CAMK1G: variants seen among roughly 807,000 people sequenced by gnomAD.
CAMK1G encodes the protein calcium/calmodulin dependent protein kinase IG, also known as calcium/calmodulin-dependent protein kinase type 1G.
CAMK1G carries 27 observed loss-of-function variants against 54.8 expected under a neutral mutation model. The ratio of observed to expected loss-of-function variants is 0.49; its 90% CI spans 0.36 to 0.68. CAMK1G has a LOEUF of 0.68. Among genes scored for constraint, CAMK1G ranks in the 30% least tolerant of loss-of-function variants. The pLI is 0.00. For synonymous variants in CAMK1G, 238 were observed against 224.9 expected (o/e 1.06, Z -0.52); for missense variants, 512 against 591.0 (o/e 0.87, Z 1.39).
intron 2 of CAMK1G, among the ~76,000 whole-genome samples, chr1:209,596,025 G>C (rs1340272767): frequency 6.6e-6 from 1 of 152,238 alleles, no homozygotes; most frequent in Non-Finnish European, 1.5e-5. Flanking sequence ...GCAGTGAAGA[G>C]CAGCCAGCGG....
intron 1 of CAMK1G, among the ~76,000 whole-genome samples, chr1:209,584,927 T>A (rs1196568435): frequency 6.6e-6 from 1 of 152,186 alleles, no homozygotes; most frequent in Non-Finnish European, 1.5e-5. Flanking sequence ...CAGTTTATAA[T>A]GTGTTTATAA....
intron 1 of CAMK1G, among the ~76,000 whole-genome samples, chr1:209,585,459 G>A (rs1412879935): frequency 6.6e-6 from 1 of 152,220 alleles, no homozygotes. Flanking sequence ...GTGACGAGAA[G>A]ACTAGCGTTG....
At chr1:209,608,042 C>T in intron 7 of CAMK1G, 109 bp downstream of exon 7, 1 of 758,054 alleles carries the variant, frequency 1.3e-6, no homozygotes, top group South Asian at 1.7e-5. Context: ...TGCATGTGCA[C>T]AAACAGACAC....
chr1:209,604,822 T>A (rs770290801), intron 4 of CAMK1G, among the ~76,000 whole-genome samples: 17 of 151,938 alleles, frequency 1.1e-4, no homozygotes, highest in Non-Finnish European at 2.1e-4. Context: ...TGACAGGGCA[T>A]CAGGTTTCAA....
At chr1:209,611,409 C>T in intron 9 of CAMK1G, 56 bp from the exon 10 acceptor site, 1 of 1,537,934 alleles carries the variant, frequency 6.5e-7, no homozygotes, top group Non-Finnish European at 9.0e-7. Flanking sequence ...CTGCCCACTC[C>T]CTGGATGAGT....
intron 9 of CAMK1G, among the ~76,000 whole-genome samples, chr1:209,610,192 G>A (rs1202544935): frequency 6.6e-6 from 1 of 152,152 alleles, no homozygotes; most frequent in Non-Finnish European, 1.5e-5. Context: ...ATTCAGCACT[G>A]GGATAGGGTG....
Position 209,605,625 on chromosome 1 carries a change from C to T in CAMK1G, c.386C>T (p.Ser129Leu), listed in dbSNP as rs141169338. The change falls in exon 5 of 13, where the codon TCG becomes TTG. Residue 129 changes from serine (S) to leucine (L), a missense_variant. By Grantham distance (145) the Ser-to-Leu change is moderately radical. Coordinates refer to ENST00000361322, the MANE Select transcript of CAMK1G (RefSeq NM_020439.3). ...AGTCTGGTGATCCAGCAGGTCTTGTCGGCAGTGAAATACCTACATGAGAAT... is the reference window on the plus strand; with the variant it reads ...AGTCTGGTGATCCAGCAGGTCTTGTTGGCAGTGAAATACCTACATGAGAAT... ...DASLVIQQVL[S>L]AVKYLHENGI... 8.3e-5 allele frequency: 134 copies of T among 1,613,880 alleles called. No homozygotes were observed. Among genetic ancestry groups the T allele is most frequent in the Middle Eastern group, 1.6e-4 (1 of 6,084 alleles).
Position 209,605,530 on chromosome 1 carries a change from C to T in CAMK1G, c.297-6C>T. The T allele has an allele frequency of 6.2e-7, 1 of 1,613,478 alleles. No individual in the cohort carries two copies. The highest frequency in any genetic ancestry group is 8.5e-7 in the Non-Finnish European group (1 of 1,179,590). ...CTGAATTCCTGTCTTGATCCTATGCCCACAGTGTTTCTGGTGGGGAGCTCT... is the reference window on the plus strand; with the variant it reads ...CTGAATTCCTGTCTTGATCCTATGCTCACAGTGTTTCTGGTGGGGAGCTCT... On this transcript the variant is annotated splice_region_variant and splice_polypyrimidine_tract_variant and intron_variant, in intron 4 of 12. Transcript: ENST00000361322.
At chr1:209,601,748 T>C (rs1484471496) in intron 3 of CAMK1G, among the ~76,000 whole-genome samples, 1 of 152,244 alleles carries the variant, frequency 6.6e-6, no homozygotes, top group African/African-American at 2.4e-5. Flanking sequence ...TTTTCTAAAA[T>C]ATCGTAAAGA....
intron 1 of CAMK1G, among the ~76,000 whole-genome samples, chr1:209,587,365 A>T (rs778039934): frequency 9.9e-5 from 15 of 152,170 alleles, no homozygotes; most frequent in Non-Finnish European, 1.6e-4. Flanking sequence ...TTTCCAAAGG[A>T]TGCTCTGAGA....
At chr1:209,588,233 T>A (rs530294437) in intron 1 of CAMK1G, among the ~76,000 whole-genome samples, 1 of 152,302 alleles carries the variant, frequency 6.6e-6, no homozygotes, top group African/African-American at 2.4e-5. Context: ...TCAAAGATGC[T>A]CTCCTTCCCT....
chr1:209,596,594 A>T (rs1483059506), intron 2 of CAMK1G, among the ~76,000 whole-genome samples: 1 of 152,096 alleles, frequency 6.6e-6, no homozygotes, highest in African/African-American at 2.4e-5. Flanking sequence ...ACGTCAGTAT[A>T]CCCACCATCT....
Position 209,605,653 on chromosome 1 carries a change from C to T in CAMK1G, c.414C>T (p.Gly138=). Residue 138 remains glycine, a synonymous_variant, in exon 5 of 13, where the codon GGC becomes GGT. Transcript: ENST00000361322. ...CAGTGAAATACCTACATGAGAATGG[C>T]ATCGTCCACAGAGACTTAAAGGTGT... ...LSAVKYLHEN[G]IVHRDLKPEN... 2 of 1,613,842 alleles carry T rather than the reference C, an allele frequency of 1.2e-6. No homozygotes were observed. The highest frequency in any genetic ancestry group is 1.7e-6 in the Non-Finnish European group (2 of 1,179,944).
chr1:209,584,904 G>A (rs1397196171), intron 1 of CAMK1G, among the ~76,000 whole-genome samples: 1 of 152,124 alleles, frequency 6.6e-6, no homozygotes, highest in Admixed American at 6.5e-5. Flanking sequence ...CCTGATATGG[G>A]GACCACACTT....
At chr1:209,600,569 C>T (rs928301761) in intron 3 of CAMK1G, among the ~76,000 whole-genome samples, 1 of 152,174 alleles carries the variant, frequency 6.6e-6, no homozygotes, top group African/African-American at 2.4e-5. Context: ...TTGTGAAACC[C>T]TTATGGTGTA....
intron 2 of CAMK1G, among the ~76,000 whole-genome samples, chr1:209,598,397 C>A (rs1313601479): frequency 6.6e-6 from 1 of 152,174 alleles, no homozygotes; most frequent in Non-Finnish European, 1.5e-5. Flanking sequence ...GCACTCTGTC[C>A]CATCTGCTAC....
At chr1:209,595,213 G>C in intron 2 of CAMK1G, 138 bp downstream of exon 2, 1 of 643,352 alleles carries the variant, frequency 1.6e-6, no homozygotes, top group Non-Finnish European at 2.7e-6. Context: ...AAGGGACTTA[G>C]GGAGAGTTTT....
At chr1:209,606,643 T>C (rs537759117) in intron 6 of CAMK1G, among the ~76,000 whole-genome samples, 200 bp downstream of exon 6, 22 of 152,332 alleles carry the variant, frequency 1.4e-4, no homozygotes, top group Non-Finnish European at 2.5e-4. Context: ...TCTACATTTT[T>C]AAAGACCGCC....
Position 209,606,454 on chromosome 1 carries a change from G to T in CAMK1G, c.559+11G>T. 6.2e-7 allele frequency: 1 copy of T among 1,612,910 alleles called. No homozygotes were observed. Among genetic ancestry groups the T allele is most frequent in the Non-Finnish European group, 8.5e-7 (1 of 1,179,396 alleles). On this transcript the variant is annotated intron_variant, in intron 6 of 12. Transcript: ENST00000361322. ...CCCCAGGCTACGTGGGTAAGTCTGG[G>T]AGCAGGAGGAAGGTTGACCAGTTGG...
Sources: allele counts gnomAD v4.1 joint callset (sites outside exome capture counted in the v4.1 genomes callset), GRCh38; gene constraint gnomAD v4.1.1; transcripts MANE v1.5; gene names NCBI Gene and HGNC (gene_info 2026-07-23, HGNC 2026-07-21).